Variants in CCBE1 observed in about 807,000 individuals in gnomAD.
CCBE1 encodes the protein collagen and calcium-binding EGF domain-containing protein 1.
Under a neutral mutation model 50.0 loss-of-function variants are expected in CCBE1, and 37 were observed. The observed-to-expected ratio is 0.74, with a 90% CI of 0.57 to 0.97. The LOEUF (loss-of-function observed/expected upper bound fraction) is 0.97. Among genes scored for constraint, CCBE1 ranks in the 50% least tolerant of loss-of-function variants. CCBE1 has a pLI of 0.00. For missense variants in CCBE1, 538 were observed against 523.8 expected, an observed-to-expected ratio of 1.03 and a Z score of -0.26; for synonymous variants, 234 against 203.7, an observed-to-expected ratio of 1.15 and a Z score of -1.27.
chr18:59,515,266 T>C (rs555325304), intron 2 of CCBE1, among the ~76,000 whole-genome samples: 2 of 152,236 alleles, frequency 1.3e-5, no homozygotes, highest in African/African-American at 4.8e-5. Context: ...ATAACAGTCA[T>C]GTTTTATTTG....
chr18:59,686,026 ACAT>A (rs1217445087), intron 2 of CCBE1: 1 of 152,214 alleles, frequency 6.6e-6, no homozygotes, highest in African/African-American at 2.4e-5. Context: ...GTTACATGTA[ACAT>A]CATAGTAAAG....
Position 59,583,672 on chromosome 18 carries a change from TGTGTGTGTGC to T in CCBE1, c.213-103444_213-103435del, listed in dbSNP as rs780813678. ...TGCTTTGCGTGTGTGTGTGTGTGTG[TGTGTGTGTGC>T]GCGCGCGCGCGCGCGCGCGTGTGTG... is the stretch of plus-strand genomic sequence containing the variant. On this transcript the variant is annotated intron_variant, in intron 2 of 10. Transcript: ENST00000439986. Among the ~76,000 whole-genome samples, 840 of 95,396 alleles carry T rather than the reference TGTGTGTGTGC, an allele frequency of 8.8e-3. 9 individuals carry two copies. The highest frequency in any genetic ancestry group is 0.034 in the African/African-American group (765 of 22,522). The allele number at this position is 95,396 out of a possible 152,430, so 62.6% of individuals were successfully genotyped here. A position where few individuals can be genotyped will look rare whatever the true frequency, so the allele number is the denominator to read the frequency against.
intron 10 of CCBE1, among the ~76,000 whole-genome samples, chr18:59,436,937 A>G (rs1164487311): frequency 6.6e-6 from 1 of 152,146 alleles, no homozygotes; most frequent in Non-Finnish European, 1.5e-5. Flanking sequence ...GTGCCACTGC[A>G]CTCCAGCCTG....
intron 2 of CCBE1, among the ~76,000 whole-genome samples, chr18:59,620,599 G>A (rs1269162352): frequency 6.6e-6 from 1 of 152,154 alleles, no homozygotes; most frequent in Non-Finnish European, 1.5e-5. Context: ...GGACCTGATG[G>A]GAGGTAATTG....
At chr18:59,554,097 G>C (rs1916024996) in intron 2 of CCBE1, among the ~76,000 whole-genome samples, 1 of 152,140 alleles carries the variant, frequency 6.6e-6, no homozygotes, top group South Asian at 2.1e-4. Flanking sequence ...GTAATTCCCG[G>C]GCTCAAGCCG....
chr18:59,571,242 C>A (rs2052909251), intron 2 of CCBE1, among the ~76,000 whole-genome samples: 1 of 152,056 alleles, frequency 6.6e-6, no homozygotes, highest in African/African-American at 2.4e-5. Context: ...TTATGTGTTT[C>A]TTCTTGCTTT....
rs190806303 is a variant in CCBE1 at position 59,535,023 on chromosome 18, C to T, written c.213-54785G>A. Among the ~76,000 whole-genome samples the T allele has an allele frequency of 4.6e-5, 7 of 152,356 alleles. No homozygotes were observed. In the East Asian group the frequency reaches 1.2e-3, roughly 25 times the overall value. ...AAAATGTTACACGATAGCTCCTTCA[C>T]ACCAGTTTCGAATCCCCAATTTCCC... On this transcript the variant is annotated intron_variant, in intron 2 of 10. Transcript: ENST00000439986.
chr18:59,518,899 G>A (rs765924696), intron 2 of CCBE1, among the ~76,000 whole-genome samples: 2 of 152,188 alleles, frequency 1.3e-5, no homozygotes, highest in Admixed American at 6.5e-5. Context: ...ATGACTGACA[G>A]CTCCCTTGCC....
At chr18:59,503,034 C>G (rs660637) in intron 2 of CCBE1, among the ~76,000 whole-genome samples, 105,033 of 152,216 alleles carry the variant, frequency 0.69, 37,424 homozygotes, top group East Asian at 0.95. Context: ...CATGCAATCA[C>G]ACAAATGTGC....
chr18:59,480,361 G>C (rs538759125), intron 2 of CCBE1, 123 bp from the exon 3 acceptor site: 1 of 669,796 alleles, frequency 1.5e-6, no homozygotes, highest in Non-Finnish European at 2.6e-6. Flanking sequence ...GCAAAGTAGG[G>C]GTGAAGTATT....
chr18:59,460,661 G>GT (rs1391301552), intron 5 of CCBE1, among the ~76,000 whole-genome samples: 2 of 152,232 alleles, frequency 1.3e-5, no homozygotes, highest in Admixed American at 1.3e-4. Context: ...GCCAGGAGCT[G>GT]TGGCTCACGC....
At chr18:59,469,718 G>A in intron 3 of CCBE1, 111 bp from the exon 4 acceptor site, 2 of 1,380,036 alleles carry the variant, frequency 1.4e-6, no homozygotes, top group Non-Finnish European at 2.0e-6. Flanking sequence ...CACGTGTGAA[G>A]TGTGGACAGA....
chr18:59,461,077 CT>C (rs1315511181), intron 5 of CCBE1, among the ~76,000 whole-genome samples: 1 of 152,064 alleles, frequency 6.6e-6, no homozygotes, highest in Non-Finnish European at 1.5e-5. Flanking sequence ...GTGAAAGGGT[CT>C]TCAAAGCTCA....
chr18:59,684,232 T>A (rs1403785075), intron 2 of CCBE1, among the ~76,000 whole-genome samples: 3 of 152,176 alleles, frequency 2.0e-5, no homozygotes, highest in Admixed American at 2.0e-4. Flanking sequence ...GCAGATCACC[T>A]GAGGCCAGGA....
At chr18:59,637,979 T>C (rs898195219) in intron 2 of CCBE1, among the ~76,000 whole-genome samples, 2 of 152,198 alleles carry the variant, frequency 1.3e-5, no homozygotes, top group African/African-American at 2.4e-5. Flanking sequence ...AATTTTTAAC[T>C]AGCTTTGAGG....
At chr18:59,672,370 T>C (rs568724186) in intron 2 of CCBE1, among the ~76,000 whole-genome samples, 1 of 152,312 alleles carries the variant, frequency 6.6e-6, no homozygotes, top group African/African-American at 2.4e-5. Flanking sequence ...TTGATCAATA[T>C]TATGCAATGA....
chr18:59,632,039 C>T (rs1490538500), intron 2 of CCBE1, among the ~76,000 whole-genome samples: 1 of 152,172 alleles, frequency 6.6e-6, no homozygotes, highest in African/African-American at 2.4e-5. Flanking sequence ...CCAAGACCAA[C>T]CTGCAAAAGC....
intron 6 of CCBE1, among the ~76,000 whole-genome samples, chr18:59,449,350 T>C (rs1172973534): frequency 6.9e-6 from 1 of 145,124 alleles, no homozygotes; most frequent in African/African-American, 2.6e-5. Flanking sequence ...GCCTGGGCAC[T>C]GTGGCTCATG....
chr18:59,671,823 G>GC (rs1414022152), intron 2 of CCBE1, among the ~76,000 whole-genome samples: 1 of 146,670 alleles, frequency 6.8e-6, no homozygotes, highest in African/African-American at 2.7e-5. Context: ...AAAAAAAAAG[G>GC]GGGGGGGTAG....
Sources: allele counts gnomAD v4.1 joint callset (sites outside exome capture counted in the v4.1 genomes callset), GRCh38; gene constraint gnomAD v4.1.1; transcripts MANE v1.5; gene names NCBI Gene and HGNC (gene_info 2026-07-23, HGNC 2026-07-21).